UNC13C: variants seen among roughly 807,000 people sequenced by gnomAD.
UNC13C encodes protein unc-13 homolog C.
In UNC13C, 174 loss-of-function variants were observed where a neutral mutation model predicts 245.4. That is an observed-to-expected ratio of 0.71 (90% confidence interval 0.63 to 0.80). UNC13C has a LOEUF of 0.80. Among genes scored for constraint, UNC13C ranks in the 30% least tolerant of loss-of-function variants. The pLI, the probability that UNC13C is intolerant of heterozygous loss-of-function variation, is 0.00. For missense variants in UNC13C, 2,829 were observed against 2,602.9 expected (o/e 1.09, Z -1.89); for synonymous variants, 992 against 895.1 (o/e 1.11, Z -1.93).
Position 54,423,691 on chromosome 15 carries a change from G to C in UNC13C, c.4933+8624G>C, listed in dbSNP as rs570903263. Reference sequence around the variant, plus strand: ...GTAAGAGTTCAATCAAGAAAATAAAGTTGGTATTGGCTGAAAACAAGGGAA... The same window carrying C: ...GTAAGAGTTCAATCAAGAAAATAAACTTGGTATTGGCTGAAAACAAGGGAA... On this transcript the variant is annotated intron_variant, in intron 19 of 32. Transcript: ENST00000260323. 2.6e-5 allele frequency among the ~76,000 whole-genome samples: 4 copies of C among 151,934 alleles called. No individual in the cohort carries two copies. In the East Asian group the frequency reaches 5.9e-4, roughly 22 times the overall value.
chr15:53,839,544 C>G, the UNC13C span, among the ~76,000 whole-genome samples: 1 of 151,978 alleles, frequency 6.6e-6, no homozygotes, highest in African/African-American at 2.4e-5. Context: ...ATTTTCTTTT[C>G]AACCTTTCAA....
rs2033525710 is a variant in UNC13C, at chr15:54,174,213, C to T, written c.3071+30529C>T. Among the ~76,000 whole-genome samples the T allele has an allele frequency of 2.0e-5, 3 of 152,108 alleles. No individual in the cohort carries two copies. In the South Asian group the frequency reaches 6.2e-4, roughly 32 times the overall value. ...TTTAGTATAAAGGTCCTGCTGTCCT[C>T]ATTAAATAAATAAAGAGGTATTCTT... On this transcript the variant is annotated intron_variant, in intron 4 of 32. Coordinates refer to ENST00000260323, the MANE Select transcript of UNC13C (RefSeq NM_001080534.3).
At chr15:54,221,462 G>A (rs901607656) in intron 4 of UNC13C, among the ~76,000 whole-genome samples, 2 of 150,932 alleles carry the variant, frequency 1.3e-5, no homozygotes, top group African/African-American at 4.9e-5. Context: ...GTCTATAATA[G>A]TCATCAGGAA....
the UNC13C span, among the ~76,000 whole-genome samples, chr15:53,861,440 G>GT: frequency 6.6e-6 from 1 of 151,844 alleles, no homozygotes; most frequent in Non-Finnish European, 1.5e-5. Flanking sequence ...TGTTATTTTT[G>GT]TTTTTTTATA....
chr15:53,842,420 G>C, the UNC13C span, among the ~76,000 whole-genome samples: 1 of 152,144 alleles, frequency 6.6e-6, no homozygotes, highest in Non-Finnish European at 1.5e-5. Flanking sequence ...TGTTCAGATA[G>C]GGCTGACAAT....
the UNC13C span, among the ~76,000 whole-genome samples, chr15:53,877,233 C>T: frequency 6.6e-6 from 1 of 152,162 alleles, no homozygotes; most frequent in African/African-American, 2.4e-5. Flanking sequence ...TGCAAAAGCA[C>T]ATCAGTGTTC....
At chr15:54,278,591 G>A (rs564965130) in intron 10 of UNC13C, among the ~76,000 whole-genome samples, 8 of 152,020 alleles carry the variant, frequency 5.3e-5, no homozygotes, top group Non-Finnish European at 8.8e-5. Flanking sequence ...CCATCTCCCC[G>A]ACACTGATCT....
chr15:53,914,646 G>C, the UNC13C span: 1 of 152,392 alleles, frequency 6.6e-6, no homozygotes, highest in African/African-American at 2.4e-5. Flanking sequence ...CAGGCGAACA[G>C]TGTAGAGAGC....
chr15:54,185,751 C>A (rs563303601), intron 4 of UNC13C, among the ~76,000 whole-genome samples: 2 of 150,296 alleles, frequency 1.3e-5, no homozygotes, highest in African/African-American at 2.5e-5. Flanking sequence ...CTGGGCAATG[C>A]GGGATCTTTT....
the UNC13C span, among the ~76,000 whole-genome samples, chr15:53,858,238 A>C: frequency 6.6e-6 from 1 of 152,194 alleles, no homozygotes; most frequent in Non-Finnish European, 1.5e-5. Flanking sequence ...AATTGAAGAC[A>C]ATATAAAACA....
chr15:54,260,550 T>C (rs1311417811), intron 8 of UNC13C, among the ~76,000 whole-genome samples: 1 of 149,696 alleles, frequency 6.7e-6, no homozygotes, highest in Non-Finnish European at 1.5e-5. Flanking sequence ...ACATATATTC[T>C]ATATATAATA....
intron 2 of UNC13C, among the ~76,000 whole-genome samples, chr15:54,141,473 G>T (rs1261283177): frequency 1.3e-5 from 2 of 151,882 alleles, no homozygotes; most frequent in African/African-American, 4.8e-5. Flanking sequence ...AATACTATAT[G>T]TAATACTTTT....
intron 19 of UNC13C, among the ~76,000 whole-genome samples, chr15:54,426,763 C>T (rs950467927): frequency 1.1e-4 from 16 of 151,752 alleles, no homozygotes; most frequent in African/African-American, 1.5e-4. Flanking sequence ...ATTACTTACC[C>T]GCCATGCAAC....
chr15:53,905,299 A>C, the UNC13C span, among the ~76,000 whole-genome samples: 14 of 152,128 alleles, frequency 9.2e-5, no homozygotes, highest in East Asian at 2.7e-3. Flanking sequence ...TATAGAAACA[A>C]TCTAAGTGTC....
intron 2 of UNC13C, among the ~76,000 whole-genome samples, chr15:54,090,920 A>G (rs1899533787): frequency 6.6e-6 from 1 of 152,116 alleles, no homozygotes; most frequent in Non-Finnish European, 1.5e-5. Context: ...TGATGATCTT[A>G]TGACTGAGAA....
In UNC13C at chr15:54,015,025, G is replaced by T. The variant is rs1167384627; in HGVS notation, c.2122G>T (p.Asp708Tyr). 1.2e-6 allele frequency: 2 copies of T among 1,613,266 alleles called. No homozygotes were observed. Among genetic ancestry groups the T allele is most frequent in the East Asian group, 4.5e-5 (2 of 44,892 alleles). ...LGKCHSDLQD[D>Y]SESYDLTQDD... ...AAAGTGCCACAGTGATCTTCAAGAT[G>T]ACTCAGAGAGCTACGACTTAACTCA... Residue 708 changes from aspartate to tyrosine, a missense_variant, in exon 2 of 33, where the codon GAC becomes TAC. Asp to Tyr is a radical substitution (Grantham distance 160). Coordinates refer to ENST00000260323, the MANE Select transcript of UNC13C (RefSeq NM_001080534.3).
chr15:54,108,232 G>C (rs543641919), intron 2 of UNC13C, among the ~76,000 whole-genome samples: 1 of 152,186 alleles, frequency 6.6e-6, no homozygotes, highest in Non-Finnish European at 1.5e-5. Context: ...TGTCGCCCAG[G>C]CTGGAGTGCA....
intron 17 of UNC13C, among the ~76,000 whole-genome samples, chr15:54,381,586 A>G (rs184728509): frequency 1.3e-5 from 2 of 152,126 alleles, no homozygotes; most frequent in Admixed American, 6.5e-5. Context: ...ATCCATAAAC[A>G]TTGGACATCT....
Position 54,627,182 on chromosome 15 carries a change from GA to G in UNC13C, c.*71del. 1.4e-6 allele frequency: 2 copies of G among 1,439,036 alleles called. No individual in the cohort carries two copies. The highest frequency in any genetic ancestry group is 1.9e-6 in the Non-Finnish European group (2 of 1,066,392). The allele number at this position is 1,439,036 out of a possible 1,614,324, so 89.1% of individuals were successfully genotyped here. A position where few individuals can be genotyped will look rare whatever the true frequency, so the allele number is the denominator to read the frequency against. On this transcript the variant is annotated 3_prime_UTR_variant, in exon 33 of 33. Coordinates refer to ENST00000260323, the MANE Select transcript of UNC13C (RefSeq NM_001080534.3). ...ACTGCATGCATGTGCAAATACATGGGAATGTTTAGTTCACTACATTTCAATG... is the reference window on the plus strand; with the variant it reads ...ACTGCATGCATGTGCAAATACATGGGATGTTTAGTTCACTACATTTCAATG...
Sources: gnomAD v4.1 joint callset for allele counts (sites outside exome capture counted in the v4.1 genomes callset) on GRCh38, gnomAD v4.1.1 for gene constraint, MANE v1.5 for transcripts, NCBI Gene and HGNC (gene_info 2026-07-23, HGNC 2026-07-21) for gene names.